EPS15: variants seen among roughly 807,000 people sequenced by gnomAD.
The protein encoded by EPS15 is epidermal growth factor receptor pathway substrate 15.
A neutral mutation model predicts 113.8 loss-of-function variants in EPS15; 72 were observed. The observed-to-expected ratio is 0.63, with a 90% CI of 0.52 to 0.77. The LOEUF is 0.77. Ranked by LOEUF, EPS15 falls within the 30% of genes least tolerant of loss-of-function variation. The pLI, the probability that EPS15 is intolerant of heterozygous loss-of-function variation, is 0.00. For missense variants in EPS15, 1,048 were observed against 1,045.8 expected (o/e 1.00, Z -0.03); for synonymous variants, 344 against 363.4 (o/e 0.95, Z 0.61).
At chr1:51,486,256 A>G (rs1472637174) in intron 1 of EPS15, among the ~76,000 whole-genome samples, 1 of 151,008 alleles carries the variant, frequency 6.6e-6, no homozygotes, top group Non-Finnish European at 1.5e-5. Flanking sequence ...CGTCTCTACT[A>G]AAAATACAAA....
intron 12 of EPS15, chr1:51,423,067 A>AT: frequency 2.3e-6 from 1 of 433,680 alleles, no homozygotes; most frequent in Non-Finnish European, 3.7e-6. Context: ...TTGAGGTGAG[A>AT]TTTTAAATGT....
At chr1:51,465,200 TAG>T (rs1352753475) in intron 6 of EPS15, 59 bp downstream of exon 6, 11 of 1,013,408 alleles carry the variant, frequency 1.1e-5, no homozygotes, top group East Asian at 4.9e-5. Flanking sequence ...ATTTCAGAGG[TAG>T]AGAGAGAGTA....
At chr1:51,456,121 C>T (rs1240067442) in intron 8 of EPS15, among the ~76,000 whole-genome samples, 2 of 152,048 alleles carry the variant, frequency 1.3e-5, no homozygotes, top group East Asian at 3.9e-4. Flanking sequence ...TTCATTTATT[C>T]TAACTAAAAA....
chr1:51,490,320 C>T (rs1644207987), intron 1 of EPS15: 1 of 444,482 alleles, frequency 2.2e-6, no homozygotes, highest in Non-Finnish European at 4.5e-6. Flanking sequence ...AATCCCAGCA[C>T]TCTGGGCGGC....
At chr1:51,424,483 C>T (rs1651035871) in intron 12 of EPS15, among the ~76,000 whole-genome samples, 1 of 152,200 alleles carries the variant, frequency 6.6e-6, no homozygotes, top group East Asian at 1.9e-4. Flanking sequence ...TTATTTTTAA[C>T]ACTAGTAATT....
chr1:51,480,841 C>CTTTTATATT (rs1644008370), intron 2 of EPS15, among the ~76,000 whole-genome samples: 1 of 152,086 alleles, frequency 6.6e-6, no homozygotes, highest in Non-Finnish European at 1.5e-5. Context: ...TGACCAGAGG[C>CTTTTATATT]TGTATATCTG....
At position 51,408,759 on chromosome 1, in the gene EPS15, G is replaced by A. The variant is rs557993229; in HGVS notation, c.1276-427C>T. ...CCTCTCACCTCAGCCTCTCGAGTAG[G>A]TGGGATTACAGATGTGGGCCACCAC... On this transcript the variant is annotated intron_variant, in intron 14 of 24. Coordinates refer to ENST00000371733, the MANE Select transcript of EPS15 (RefSeq NM_001981.3). 4.0e-5 allele frequency among the ~76,000 whole-genome samples: 6 copies of A among 150,552 alleles called. No homozygotes were observed. In the South Asian group the frequency reaches 8.4e-4, roughly 21 times the overall value.
chr1:51,366,378 A>G (rs1646508294), intron 21 of EPS15, among the ~76,000 whole-genome samples: 1 of 152,172 alleles, frequency 6.6e-6, no homozygotes, highest in African/African-American at 2.4e-5. Context: ...AAGGCATCAA[A>G]TTTCATGTTT....
At chr1:51,481,222 G>A (rs767729602) in intron 2 of EPS15, 51 bp downstream of exon 2, 3 of 905,558 alleles carry the variant, frequency 3.3e-6, no homozygotes, top group Admixed American at 1.8e-5. Context: ...ATCAAGAGTT[G>A]ACAGTACATT....
chr1:51,506,384 A>C (rs924217116), intron 1 of EPS15, among the ~76,000 whole-genome samples: 44 of 152,304 alleles, frequency 2.9e-4, no homozygotes, highest in African/African-American at 9.9e-4. Context: ...TGGCCTCATA[A>C]TCAAAGAAAA....
intron 3 of EPS15, 150 bp from the exon 4 acceptor site, chr1:51,471,887 C>A: frequency 3.0e-6 from 2 of 673,176 alleles, no homozygotes; most frequent in South Asian, 2.0e-5. Flanking sequence ...CCTTAAAGAT[C>A]ATTTAGTGCA....
chr1:51,485,038 G>A (rs1208294157), intron 1 of EPS15, among the ~76,000 whole-genome samples: 1 of 152,174 alleles, frequency 6.6e-6, no homozygotes, highest in African/African-American at 2.4e-5. Context: ...AGACATCACT[G>A]TATCCAATAA....
chr1:51,465,217 G>A lies in EPS15; in HGVS notation c.375+44C>T, dbSNP rs752202228. 7 of 1,182,678 alleles carry A rather than the reference G, an allele frequency of 5.9e-6. No homozygotes were observed. In the African/African-American group the frequency reaches 9.1e-5, roughly 15 times the overall value. 73.3% of individuals were successfully genotyped at this position (1,182,678 alleles called of 1,614,324 possible). On this transcript the variant is annotated intron_variant, in intron 6 of 24. Transcript: ENST00000371733. ...TTCAGAGGTAGAGAGAGAGTAGATA[G>A]GAAGCAATGAAGGGGTGAGAGAATA... is the stretch of plus-strand genomic sequence containing the variant.
intron 21 of EPS15, among the ~76,000 whole-genome samples, chr1:51,373,793 A>G (rs755708265): frequency 3.9e-5 from 6 of 152,136 alleles, no homozygotes; most frequent in Non-Finnish European, 7.4e-5. Context: ...TCTACTAAAA[A>G]TACAAAAATT....
At chr1:51,357,871 C>G (rs1646277843) in intron 24 of EPS15, among the ~76,000 whole-genome samples, 1 of 151,782 alleles carries the variant, frequency 6.6e-6, no homozygotes, top group Non-Finnish European at 1.5e-5. Flanking sequence ...TCCCGAGTAG[C>G]TGGAATTACA....
chr1:51,423,976 T>C (rs1650994480), intron 12 of EPS15, among the ~76,000 whole-genome samples: 1 of 152,134 alleles, frequency 6.6e-6, no homozygotes, highest in Non-Finnish European at 1.5e-5. Context: ...TCTCTAATCA[T>C]ATCCTGAAGA....
At chr1:51,450,948 G>T (rs536321562) in intron 8 of EPS15, among the ~76,000 whole-genome samples, 9 of 151,838 alleles carry the variant, frequency 5.9e-5, no homozygotes, top group African/African-American at 1.9e-4. Flanking sequence ...TAACTGTGGT[G>T]GTGCCTTCAG....
intron 12 of EPS15, among the ~76,000 whole-genome samples, chr1:51,431,233 T>A (rs1335079268): frequency 6.6e-6 from 1 of 152,186 alleles, no homozygotes; most frequent in Non-Finnish European, 1.5e-5. Context: ...GAATAACTAA[T>A]GTTCTTACTT....
intron 11 of EPS15, among the ~76,000 whole-genome samples, chr1:51,443,020 C>G (rs1383719695): frequency 6.6e-6 from 1 of 152,024 alleles, no homozygotes; most frequent in African/African-American, 2.4e-5. Context: ...TAAAACAATG[C>G]AAGTTTTCAT....
Sources: allele counts gnomAD v4.1 joint callset (sites outside exome capture counted in the v4.1 genomes callset), GRCh38; gene constraint gnomAD v4.1.1; transcripts MANE v1.5; gene names NCBI Gene and HGNC (gene_info 2026-07-23, HGNC 2026-07-21).